Variants in HARS1 observed in about 807,000 individuals in gnomAD.
The protein encoded by HARS1 is histidine--tRNA ligase, cytoplasmic.
HARS1 carries 45 observed loss-of-function variants against 63.6 expected under a neutral mutation model. The observed-to-expected ratio is 0.71, with a 90% CI of 0.56 to 0.91. The LOEUF is 0.91. Ranked by LOEUF, HARS1 falls within the 40% of genes least tolerant of loss-of-function variation. HARS1 has a pLI of 0.00. For synonymous variants in HARS1, 205 were observed against 247.1 expected (o/e 0.83, Z 1.60); for missense variants, 508 against 643.2 (o/e 0.79, Z 2.27).
In HARS1 at chr5:140,677,717, T is replaced by G; in HGVS notation, c.667A>C (p.Ile223Leu). 6.2e-7 allele frequency: 1 copy of G among 1,611,424 alleles called. No individual in the cohort carries two copies. The highest frequency in any genetic ancestry group is 8.5e-7 in the Non-Finnish European group (1 of 1,179,080). Residue 223 changes from isoleucine to leucine, a missense_variant, in exon 7 of 13, where the codon ATC becomes CTC. Physicochemically the swap from Ile to Leu is conservative, Grantham distance 5 (BLOSUM62 2). This residue lies in a region of HARS1 where 403 missense variants were observed against 548.7 expected (regional missense o/e 0.73). Coordinates refer to ENST00000504156, the MANE Select transcript of HARS1 (RefSeq NM_002109.6). Reference sequence around the variant, plus strand: ...AACTTGCTGTCAGAAACACCACAGATAGCAAACATCCCATCTAGAATGCGT... The same window carrying G: ...AACTTGCTGTCAGAAACACCACAGAGAGCAAACATCCCATCTAGAATGCGT... ...DRRILDGMFAICGVSDSKFRT... is the reference protein window; with the variant it reads ...DRRILDGMFALCGVSDSKFRT...
chr5:140,691,304 TC>T lies in HARS1; in HGVS notation c.-1del, dbSNP rs1418741409. On this transcript the variant is annotated 5_prime_UTR_variant, in exon 1 of 13. Coordinates refer to ENST00000504156, the MANE Select transcript of HARS1 (RefSeq NM_002109.6). ...TCCTCCAGCGCCGCACGCTCTGCCA[TC>T]CCGGCTGTCCACTTGAGCCGCCTGC... The T allele has an allele frequency of 6.2e-7, 1 of 1,602,514 alleles. No homozygotes were observed. The highest frequency in any genetic ancestry group is 8.5e-7 in the Non-Finnish European group (1 of 1,177,562).
At chr5:140,688,143 A>AAAACAAAACG (rs537034133) in intron 2 of HARS1, among the ~76,000 whole-genome samples, 7 of 139,918 alleles carry the variant, frequency 5.0e-5, no homozygotes, top group African/African-American at 1.6e-4. Flanking sequence ...AAAACAAAAC[A>AAAACAAAACG]AAAGAATTAT....
Position 140,677,016 on chromosome 5 carries a change from G to A in HARS1, c.924C>T (p.Tyr308=), listed in dbSNP as rs2149823372. 1.2e-6 allele frequency: 2 copies of A among 1,614,206 alleles called. No homozygotes were observed. The highest frequency in any genetic ancestry group is 4.5e-5 in the East Asian group (2 of 44,882). ...TGTCATCAATGCCAAATAGGGTCAG[G>A]TACTCAAAGAGCAACTTCAGGTCTC... ...GLGDLKLLFE[Y]LTLFGIDDKI... is the part of the protein sequence containing the mutation. Residue 308 remains tyrosine, a synonymous_variant, in exon 9 of 13, where the codon TAC becomes TAT. Coordinates refer to ENST00000504156, the MANE Select transcript of HARS1 (RefSeq NM_002109.6).
In HARS1 at chr5:140,681,551, C is replaced by A. The variant is rs571554614; in HGVS notation, c.300+1549G>T. The stretch of plus-strand genomic sequence containing the variant: ...GGTGTGGTGGCACACGTGTTGTAAT[C>A]CCAGCTACTTAGGAGACTGAGGCAG... On this transcript the variant is annotated intron_variant, in intron 3 of 12. Coordinates refer to ENST00000504156, the MANE Select transcript of HARS1 (RefSeq NM_002109.6). Among the ~76,000 whole-genome samples the A allele has an allele frequency of 2.0e-5, 3 of 152,208 alleles. No homozygotes were observed. The South Asian group carries it at 6.2e-4, about 32-fold the overall frequency.
intron 2 of HARS1, chr5:140,687,449 G>T (rs1251544329): frequency 6.6e-6 from 1 of 152,132 alleles, no homozygotes; most frequent in Non-Finnish European, 1.5e-5. Context: ...AGGAGGCTGA[G>T]GCACAATAAT....
At chr5:140,690,480 AT>A (rs762173114) in intron 2 of HARS1, among the ~76,000 whole-genome samples, 4 of 152,058 alleles carry the variant, frequency 2.6e-5, no homozygotes, top group Non-Finnish European at 5.9e-5. Flanking sequence ...GTGTGGGATT[AT>A]TTGTTCTAAG....
At chr5:140,687,167 T>G (rs1171478141) in intron 2 of HARS1, among the ~76,000 whole-genome samples, 2 of 152,234 alleles carry the variant, frequency 1.3e-5, no homozygotes, top group Non-Finnish European at 2.9e-5. Flanking sequence ...GTGCTTTATG[T>G]GTACTTCCCA....
intron 3 of HARS1, among the ~76,000 whole-genome samples, chr5:140,681,018 G>A (rs1758698386): frequency 2.0e-5 from 3 of 152,014 alleles, no homozygotes; most frequent in Admixed American, 1.3e-4. Flanking sequence ...GTAAAAACTG[G>A]GGAATGTCTT....
rs373709175 is a variant in HARS1 at position 140,674,319 on chromosome 5, G to A, written c.1468C>T (p.Arg490Ter). ...ATTTCCTCCACAAGGTCTTCTCTTC[G>A]GACATCCACCTGGCCAGGATGGGAG... ...SVTSREEVDV[R>*]REDLVEEIKR... The change falls in exon 13 of 13, where the codon CGA (arginine) becomes TGA (stop). Residue 490 changes from arginine (R) to a stop codon, truncating the protein, a stop_gained. Transcript: ENST00000504156. LOFTEE classifies it high-confidence loss of function. 9 of 1,609,574 alleles carry A rather than the reference G, an allele frequency of 5.6e-6. No homozygotes were observed. The highest frequency in any genetic ancestry group is 2.7e-5 in the African/African-American group (2 of 74,772).
Position 140,679,779 on chromosome 5 carries a change from G to A in HARS1, c.396+9C>T, listed in dbSNP as rs377689600. 1.8e-5 allele frequency: 27 copies of A among 1,512,760 alleles called. No individual in the cohort carries two copies. The highest frequency in any genetic ancestry group is 2.5e-5 in the Non-Finnish European group (27 of 1,092,612). 93.7% of individuals were successfully genotyped at this position (1,512,760 alleles called of 1,614,324 possible). On this transcript the variant is annotated intron_variant, in intron 4 of 12. Transcript: ENST00000504156. This position sits in a 1 kb window ranked among gnomAD's most constrained non-coding sequence, Gnocchi z 4.3. ...CCAAAGTCTCAAGAGCCCAAGTTTA[G>A]AAAGATACAGTGAGGTCATAGCGAA...
chr5:140,674,413 C>T, intron 12 of HARS1, 85 bp from the exon 13 acceptor site: 2 of 1,006,272 alleles, frequency 2.0e-6, no homozygotes. Context: ...GCCCTCTAGG[C>T]ATCAGGCTTG....
Position 140,675,017 on chromosome 5 carries a change from C to T in HARS1, c.1311G>A (p.Lys437=). The change falls in exon 11 of 13, where the codon AAG becomes AAA. Residue 437 remains lysine, a splice_region_variant and synonymous_variant. Coordinates refer to ENST00000504156, the MANE Select transcript of HARS1 (RefSeq NM_002109.6). ...LVSELWDAGI[K]AELLYKKNPK... Reference sequence around the variant, plus strand: ...CCACCCTGGGGCTTGCCTCCCATACCTTGATCCCAGCATCCCACAGTTCTG... The same window carrying T: ...CCACCCTGGGGCTTGCCTCCCATACTTTGATCCCAGCATCCCACAGTTCTG... The T allele has an allele frequency of 1.2e-6, 2 of 1,603,302 alleles. No homozygotes were observed. Among genetic ancestry groups the T allele is most frequent in the Non-Finnish European group, 1.7e-6 (2 of 1,170,300 alleles).
chr5:140,678,620 G>A (rs550953023), intron 5 of HARS1: 6 of 166,360 alleles, frequency 3.6e-5, no homozygotes, highest in African/African-American at 9.6e-5. Context: ...CGAGGCAGGC[G>A]GATCATGAGA....
At chr5:140,685,829 G>A (rs902838848) in intron 2 of HARS1, among the ~76,000 whole-genome samples, 1 of 151,630 alleles carries the variant, frequency 6.6e-6, no homozygotes, top group African/African-American at 2.4e-5. Context: ...TCCTTTGCCT[G>A]TGCATGATTT....
In HARS1 at chr5:140,679,379, G is replaced by C; in HGVS notation, c.397-252C>G. The stretch of plus-strand genomic sequence containing the variant: ...CTTTTTTGAGCATGGCAAGGGGCTG[G>C]GCAGGTTGGCCACAGACCAGAAAAA... On this transcript the variant is annotated intron_variant, in intron 4 of 12. Coordinates refer to ENST00000504156, the MANE Select transcript of HARS1 (RefSeq NM_002109.6). The surrounding 1 kb of genome is among the most constrained non-coding windows in gnomAD (Gnocchi z 4.3). The C allele has an allele frequency of 4.4e-6, 2 of 450,046 alleles. No homozygotes were observed. The highest frequency in any genetic ancestry group is 7.9e-6 in the Non-Finnish European group (2 of 253,732). The allele number at this position is 450,046 out of a possible 1,614,324, so 27.9% of individuals were successfully genotyped here. A position where few individuals can be genotyped will look rare whatever the true frequency, so the allele number is the denominator to read the frequency against.
chr5:140,681,164 C>T (rs969337128), intron 3 of HARS1, among the ~76,000 whole-genome samples: 3 of 152,114 alleles, frequency 2.0e-5, no homozygotes, highest in African/African-American at 7.2e-5. Context: ...ACTAGTGTTA[C>T]GGGCTGAACT....
chr5:140,676,827 G>A lies in HARS1; in HGVS notation c.1021C>T (p.Leu341=). 6.2e-7 allele frequency: 1 copy of A among 1,614,252 alleles called. No individual in the cohort carries two copies. Among genetic ancestry groups the A allele is most frequent in the Non-Finnish European group, 8.5e-7 (1 of 1,180,040 alleles). Residue 341 remains leucine (L), a synonymous_variant, in exon 10 of 13, where the codon CTA becomes TTA. Coordinates refer to ENST00000504156, the MANE Select transcript of HARS1 (RefSeq NM_002109.6). This position sits in a 1 kb window ranked among gnomAD's most constrained non-coding sequence, Gnocchi z 4.1. ...YTGVIYEAVL[L]QTPAQAGEEP... ...TCCCCTGCCTGGGCTGGGGTCTGTAGCAGCACTGCCTCATAGATCACCCCA... is the reference window on the plus strand; with the variant it reads ...TCCCCTGCCTGGGCTGGGGTCTGTAACAGCACTGCCTCATAGATCACCCCA...
In HARS1 at chr5:140,679,275, A is replaced by G. The variant is rs73271584; in HGVS notation, c.397-148T>C. 593 of 699,512 alleles carry G rather than the reference A, an allele frequency of 8.5e-4. 1 individual carries two copies. The African/African-American group carries it at 9.8e-3, about 12-fold the overall frequency. The allele number at this position is 699,512 out of a possible 1,614,324, so 43.3% of individuals were successfully genotyped here. On this transcript the variant is annotated intron_variant, in intron 4 of 12. Coordinates refer to ENST00000504156, the MANE Select transcript of HARS1 (RefSeq NM_002109.6). The surrounding 1 kb of genome is among the most constrained non-coding windows in gnomAD (Gnocchi z 4.3). ...ATAGCACTTACAAACATCAGAAAGC[A>G]TCAGCTGTGCTACCACATGAGGTAG...
At position 140,683,090 on chromosome 5, in the gene HARS1, C is replaced by A; in HGVS notation, c.300+10G>T. ...ATCTACCATGTAGTTTCTTCTTGCC[C>A]ATTCCTCACCTTTAGTTCAAATACA... On this transcript the variant is annotated intron_variant, in intron 3 of 12. Coordinates refer to ENST00000504156, the MANE Select transcript of HARS1 (RefSeq NM_002109.6). 6.2e-7 allele frequency: 1 copy of A among 1,611,620 alleles called. No individual in the cohort carries two copies. The highest frequency in any genetic ancestry group is 1.1e-5 in the South Asian group (1 of 90,832).
Sources: allele counts gnomAD v4.1 joint callset (sites outside exome capture counted in the v4.1 genomes callset), GRCh38; gene constraint gnomAD v4.1.1; regional missense constraint gnomAD v4.1.1; non-coding constraint Gnocchi (gnomAD v3.1); transcripts MANE v1.5; gene names NCBI Gene and HGNC (gene_info 2026-07-23, HGNC 2026-07-21).